The following DGKB variants were observed in gnomAD, a reference collection of about 807,000 sequenced individuals.
DGKB encodes the protein 90 kDa diacylglycerol kinase.
In DGKB, 67 loss-of-function variants were observed where a neutral mutation model predicts 114.3. The ratio of observed to expected loss-of-function variants is 0.59; its 90% CI spans 0.48 to 0.72. The LOEUF is 0.72. Ranked by LOEUF, DGKB falls within the 30% of genes least tolerant of loss-of-function variation. The probability of loss-of-function intolerance (pLI) is 0.00; values close to 1 mark genes in which losing one functional copy is unlikely to be tolerated. For synonymous variants in DGKB, 398 were observed against 323.1 expected, an observed-to-expected ratio of 1.23 and a Z score of -2.49; for missense variants, 907 against 975.2, an observed-to-expected ratio of 0.93 and a Z score of 0.93.
intron 6 of DGKB, 81 bp from the exon 7 acceptor site, chr7:14,701,811 G>A: frequency 1.0e-6 from 1 of 971,098 alleles, no homozygotes; most frequent in Non-Finnish European, 1.6e-6. Context: ...TTAAAATTTA[G>A]TTTGTGTTGA....
intron 2 of DGKB, among the ~76,000 whole-genome samples, chr7:14,792,657 G>C (rs1398946651): frequency 1.3e-5 from 2 of 152,100 alleles, no homozygotes; most frequent in Admixed American, 6.6e-5. Flanking sequence ...GTTGAGCAAA[G>C]TTTGAAGATT....
At chr7:14,278,521 C>A (rs1438390443) in intron 23 of DGKB, among the ~76,000 whole-genome samples, 1 of 152,094 alleles carries the variant, frequency 6.6e-6, no homozygotes, top group Non-Finnish European at 1.5e-5. Flanking sequence ...AAACACAAGA[C>A]CTAAAACTAT....
At chr7:14,894,320 T>G (rs1427755367) in intron 1 of DGKB, among the ~76,000 whole-genome samples, 1 of 151,348 alleles carries the variant, frequency 6.6e-6, no homozygotes, top group Non-Finnish European at 1.5e-5. Context: ...GAATTTTAAC[T>G]CATGAGGATC....
intron 21 of DGKB, among the ~76,000 whole-genome samples, chr7:14,450,651 C>T (rs1256105318): frequency 6.6e-6 from 1 of 151,990 alleles, no homozygotes; most frequent in African/African-American, 2.4e-5. Flanking sequence ...TAGGGGTAAT[C>T]TTGGGAGATC....
At chr7:14,321,545 C>T (rs1807807134) in intron 23 of DGKB, among the ~76,000 whole-genome samples, 2 of 149,598 alleles carry the variant, frequency 1.3e-5, no homozygotes, top group African/African-American at 2.5e-5. Flanking sequence ...AAGACACCAA[C>T]GTCCATTTTC....
At chr7:14,294,560 C>T (rs758015454) in intron 23 of DGKB, among the ~76,000 whole-genome samples, 12 of 152,122 alleles carry the variant, frequency 7.9e-5, no homozygotes, top group East Asian at 1.9e-4. Context: ...GAGAAACATT[C>T]GGAGGAAGTG....
intron 23 of DGKB, among the ~76,000 whole-genome samples, chr7:14,261,982 TGTGC>T (rs1407714721): frequency 6.6e-6 from 1 of 152,222 alleles, no homozygotes; most frequent in East Asian, 1.9e-4. Context: ...CATAGTGAAA[TGTGC>T]TATACGCACT....
At position 14,764,603 on chromosome 7, in the gene DGKB, C is replaced by T. The variant is rs569439269; in HGVS notation, c.71-6872G>A. On this transcript the variant is annotated intron_variant, in intron 2 of 25. Coordinates refer to ENST00000402815, the MANE Select transcript of DGKB (RefSeq NM_001350709.2). ...CTTTAAAAAAGGCTCTCAGTTGAGT[C>T]TTATATGCAGCTGAGATGGAATTAA... Among the ~76,000 whole-genome samples, 228 of 151,918 alleles carry T rather than the reference C, an allele frequency of 1.5e-3. 2 individuals are homozygous for T. The highest frequency in any genetic ancestry group is 5.3e-3 in the African/African-American group (220 of 41,482).
At chr7:14,936,516 A>T (rs1376778560) in intron 1 of DGKB, among the ~76,000 whole-genome samples, 2 of 152,106 alleles carry the variant, frequency 1.3e-5, no homozygotes, top group Non-Finnish European at 2.9e-5. Flanking sequence ...TTCTTTACCA[A>T]TCCTTAAATG....
chr7:14,389,197 A>T (rs972644279), intron 21 of DGKB, among the ~76,000 whole-genome samples: 8 of 152,050 alleles, frequency 5.3e-5, no homozygotes, highest in Non-Finnish European at 5.9e-5. Context: ...GGAGTTCCAC[A>T]TTTTCTTTGT....
rs1407849467 is a variant in DGKB, at chr7:14,338,699, T to C, written c.1938A>G (p.Val646=). ...GAGAGATGTTTATTAAATCTATCTG[T>C]ACTCCATCACACTGATCGGTAAAAA... ...HESVEIECDG[V]QIDLINISLE... The change falls in exon 23 of 26, where the codon GTA becomes GTG. Residue 646 remains valine (V), a synonymous_variant. Coordinates refer to ENST00000402815, the MANE Select transcript of DGKB (RefSeq NM_001350709.2). The C allele has an allele frequency of 6.4e-7, 1 of 1,565,462 alleles. No homozygotes were observed. The highest frequency in any genetic ancestry group is 8.7e-7 in the Non-Finnish European group (1 of 1,154,610).
intron 23 of DGKB, among the ~76,000 whole-genome samples, chr7:14,202,253 C>G (rs909229048): frequency 3.3e-5 from 5 of 151,828 alleles, no homozygotes; most frequent in African/African-American, 1.2e-4. Context: ...CTTACTGATA[C>G]AATTTTACAG....
At chr7:14,480,116 G>A (rs1260126895) in intron 20 of DGKB, among the ~76,000 whole-genome samples, 1 of 151,912 alleles carries the variant, frequency 6.6e-6, no homozygotes, top group Admixed American at 6.6e-5. Context: ...ACAGAATAGA[G>A]AAAGGGAGAG....
intron 21 of DGKB, among the ~76,000 whole-genome samples, chr7:14,424,251 GTTTA>G (rs56245899): frequency 0.054 from 8,171 of 151,950 alleles, 288 homozygotes; most frequent in East Asian, 0.092. Context: ...AGTTTTGTTT[GTTTA>G]TTTATTTGTT....
intron 23 of DGKB, among the ~76,000 whole-genome samples, chr7:14,278,888 C>T (rs1308751124): frequency 6.6e-6 from 1 of 151,962 alleles, no homozygotes; most frequent in East Asian, 1.9e-4. Context: ...CCAAGACGGC[C>T]GAATAGGAAC....
rs1821772937 is a variant in DGKB, at chr7:14,393,602, T to C, written c.1836-48211A>G. ...AAAAGTTTGCCAATCCCAGTGCCAG[T>C]GTATCACACTGCTCTCGAAGGATCA... is the stretch of plus-strand genomic sequence containing the variant. On this transcript the variant is annotated intron_variant, in intron 21 of 25. Coordinates refer to ENST00000402815, the MANE Select transcript of DGKB (RefSeq NM_001350709.2). Among the ~76,000 whole-genome samples the C allele has an allele frequency of 2.0e-5, 3 of 152,330 alleles. No homozygotes were observed. The South Asian group carries it at 6.2e-4, about 32-fold the overall frequency.
intron 1 of DGKB, among the ~76,000 whole-genome samples, chr7:14,921,491 T>C (rs1203770089): frequency 2.0e-5 from 3 of 152,160 alleles, no homozygotes; most frequent in Non-Finnish European, 2.9e-5. Context: ...AAATGTAAGT[T>C]GTTTGTGTAT....
chr7:14,677,925 G>C (rs1051066037), intron 12 of DGKB, among the ~76,000 whole-genome samples: 1 of 151,946 alleles, frequency 6.6e-6, no homozygotes, highest in African/African-American at 2.4e-5. Context: ...CATTCTAAGA[G>C]CCTAACTTTA....
chr7:14,489,961 C>G (rs1344881292), intron 20 of DGKB, among the ~76,000 whole-genome samples: 1 of 152,010 alleles, frequency 6.6e-6, no homozygotes, highest in Non-Finnish European at 1.5e-5. Context: ...GGAACCAGAA[C>G]TAGAAATAAT....
Sources: gnomAD v4.1 joint callset for allele counts (sites outside exome capture counted in the v4.1 genomes callset) on GRCh38, gnomAD v4.1.1 for gene constraint, MANE v1.5 for transcripts, NCBI Gene and HGNC (gene_info 2026-07-23, HGNC 2026-07-21) for gene names.